SMOC1: variants seen among roughly 807,000 people sequenced by gnomAD.
SMOC1 encodes SPARC-related modular calcium-binding protein 1.
Under a neutral mutation model 56.3 loss-of-function variants are expected in SMOC1, and 22 were observed. The observed-to-expected ratio is 0.39, with a 90% CI of 0.28 to 0.56. The LOEUF (loss-of-function observed/expected upper bound fraction) is 0.56. Among genes scored for constraint, SMOC1 ranks in the 20% least tolerant of loss-of-function variants. SMOC1 has a pLI of 0.61. For missense variants in SMOC1, 509 were observed against 565.4 expected, an observed-to-expected ratio of 0.90 and a Z score of 1.01; for synonymous variants, 193 against 215.0, an observed-to-expected ratio of 0.90 and a Z score of 0.89.
intron 11 of SMOC1, among the ~76,000 whole-genome samples, chr14:70,023,793 G>T (rs1188271766): frequency 2.0e-5 from 3 of 151,636 alleles, no homozygotes; most frequent in Non-Finnish European, 4.4e-5. Context: ...CAGCATGGTC[G>T]CAGGTTGTAG....
chr14:69,927,603 G>C (rs1175581544), intron 1 of SMOC1, among the ~76,000 whole-genome samples: 1 of 152,168 alleles, frequency 6.6e-6, no homozygotes, highest in Non-Finnish European at 1.5e-5. Context: ...CTGAGCCCCA[G>C]AGGCAGAGGT....
chr14:69,937,772 G>A (rs531565571), intron 1 of SMOC1, among the ~76,000 whole-genome samples: 1 of 152,072 alleles, frequency 6.6e-6, no homozygotes, highest in Non-Finnish European at 1.5e-5. Flanking sequence ...ACACATGCAT[G>A]CTCACATGTG....
intron 1 of SMOC1, among the ~76,000 whole-genome samples, chr14:69,930,809 G>T (rs1885147027): frequency 6.6e-6 from 1 of 152,228 alleles, no homozygotes; most frequent in Non-Finnish European, 1.5e-5. Context: ...GAATGCAGGG[G>T]GTGACCTGAT....
At chr14:69,905,249 G>C (rs533874958) in intron 1 of SMOC1, among the ~76,000 whole-genome samples, 1 of 152,232 alleles carries the variant, frequency 6.6e-6, no homozygotes, top group South Asian at 2.1e-4. Context: ...TTGACACCTA[G>C]CAGGAATTTC....
chr14:69,932,011 T>C (rs17174862), intron 1 of SMOC1, among the ~76,000 whole-genome samples: 14,461 of 152,280 alleles, frequency 0.095, 748 homozygotes, highest in South Asian at 0.14. Context: ...GCCAAAGCCA[T>C]GGAGCATCCG....
chr14:69,990,237 C>A (rs1018761665), intron 5 of SMOC1, among the ~76,000 whole-genome samples: 34 of 152,122 alleles, frequency 2.2e-4, no homozygotes, highest in African/African-American at 7.2e-4. Context: ...GATGGGCAGT[C>A]CAAGATTTTC....
chr14:69,978,152 A>G, intron 5 of SMOC1, 187 bp downstream of exon 5: 1 of 648,330 alleles, frequency 1.5e-6, no homozygotes, highest in South Asian at 1.7e-5. Context: ...AGTGATGGAC[A>G]CCAAGCTCCC....
intron 3 of SMOC1, among the ~76,000 whole-genome samples, chr14:69,967,741 GA>G (rs1447155844): frequency 6.6e-6 from 1 of 152,220 alleles, no homozygotes; most frequent in African/African-American, 2.4e-5. Context: ...TAGGCTCAGA[GA>G]GGTTAAGTGA....
intron 7 of SMOC1, among the ~76,000 whole-genome samples, chr14:70,005,019 G>A (rs950212591): frequency 1.3e-5 from 2 of 152,188 alleles, no homozygotes; most frequent in Non-Finnish European, 2.9e-5. Flanking sequence ...AAGGTGCTTT[G>A]GTGTTGGGTT....
intron 3 of SMOC1, among the ~76,000 whole-genome samples, chr14:69,972,380 T>C (rs1315705372): frequency 6.6e-6 from 1 of 152,204 alleles, no homozygotes; most frequent in Non-Finnish European, 1.5e-5. Flanking sequence ...TCTGAGACCT[T>C]GCTCGGGTCT....
At chr14:70,022,132 G>C (rs1239720327) in intron 10 of SMOC1, among the ~76,000 whole-genome samples, 1 of 152,242 alleles carries the variant, frequency 6.6e-6, no homozygotes, top group Non-Finnish European at 1.5e-5. Context: ...CTGGGAACAG[G>C]AGCCATGGGG....
At chr14:69,889,822 G>A (rs1594787461) in intron 1 of SMOC1, among the ~76,000 whole-genome samples, 1 of 152,234 alleles carries the variant, frequency 6.6e-6, no homozygotes, top group African/African-American at 2.4e-5. Flanking sequence ...TCCTCGGCTT[G>A]TGGCCCCTTC....
chr14:69,880,056 T>C (rs1883593746), intron 1 of SMOC1, among the ~76,000 whole-genome samples: 1 of 152,100 alleles, frequency 6.6e-6, no homozygotes, highest in South Asian at 2.1e-4. Context: ...TGCATTTTGC[T>C]CAAGACCCTC....
chr14:69,961,875 A>G (rs1036223819), intron 3 of SMOC1, among the ~76,000 whole-genome samples: 6 of 152,188 alleles, frequency 3.9e-5, no homozygotes, highest in Non-Finnish European at 8.8e-5. Flanking sequence ...CCCACCGGCA[A>G]TGTATGAAGG....
intron 1 of SMOC1, among the ~76,000 whole-genome samples, chr14:69,912,753 G>A (rs893621600): frequency 1.3e-5 from 2 of 152,056 alleles, no homozygotes; most frequent in African/African-American, 2.4e-5. Flanking sequence ...AAAGGAAAAG[G>A]CCCTCAGTTT....
chr14:69,977,635 T>C (rs972515297), intron 4 of SMOC1, among the ~76,000 whole-genome samples: 2 of 152,170 alleles, frequency 1.3e-5, no homozygotes, highest in African/African-American at 4.8e-5. Flanking sequence ...TAGGGAGTTA[T>C]ATGAGTGTGG....
At chr14:69,934,033 C>T (rs941994171) in intron 1 of SMOC1, among the ~76,000 whole-genome samples, 4 of 152,240 alleles carry the variant, frequency 2.6e-5, no homozygotes, top group East Asian at 1.9e-4. Flanking sequence ...AGAACATCTT[C>T]GATACTGTAA....
At chr14:69,921,895 C>T (rs61056103) in intron 1 of SMOC1, among the ~76,000 whole-genome samples, 7,274 of 152,272 alleles carry the variant, frequency 0.048, 226 homozygotes, top group Non-Finnish European at 0.074. Context: ...GAAGGGGCCC[C>T]CTTTCCACCC....
intron 1 of SMOC1, among the ~76,000 whole-genome samples, chr14:69,924,199 C>G (rs1197602285): frequency 2.0e-5 from 3 of 152,244 alleles, no homozygotes; most frequent in Non-Finnish European, 4.4e-5. Flanking sequence ...AGAGATCACT[C>G]TTGGTCCTTC....
Sources: allele counts gnomAD v4.1 joint callset (sites outside exome capture counted in the v4.1 genomes callset), GRCh38; gene constraint gnomAD v4.1.1; transcripts MANE v1.5; gene names NCBI Gene and HGNC (gene_info 2026-07-23, HGNC 2026-07-21).